PDXDC1: variants seen among roughly 807,000 people sequenced by gnomAD.
PDXDC1 encodes pyridoxal dependent decarboxylase domain containing 1, also known as pyridoxal-dependent decarboxylase domain-containing protein 1.
PDXDC1 carries 42 observed loss-of-function variants against 100.1 expected under a neutral mutation model. That is an observed-to-expected ratio of 0.42 (90% CI 0.33 to 0.54). The LOEUF (loss-of-function observed/expected upper bound fraction) is 0.54, where lower values mean the gene tolerates loss of function less well. Among genes scored for constraint, PDXDC1 ranks in the 20% least tolerant of loss-of-function variants. The pLI is 0.10. For missense variants in PDXDC1, 636 were observed against 979.2 expected (o/e 0.65, Z 4.68); for synonymous variants, 260 against 371.7 (o/e 0.70, Z 3.46).
At chr16:15,014,327 A>G (rs1189008921) in intron 8 of PDXDC1, among the ~76,000 whole-genome samples, 1 of 152,286 alleles carries the variant, frequency 6.6e-6, no homozygotes, top group African/African-American at 2.4e-5. Context: ...ATTCAATCAC[A>G]TGATAAACTG....
intron 16 of PDXDC1, among the ~76,000 whole-genome samples, chr16:15,117,379 G>A (rs1397035149): frequency 7.1e-6 from 1 of 141,274 alleles, no homozygotes; most frequent in Non-Finnish European, 1.5e-5. Context: ...TATATATTTT[G>A]GCCAGGCGCG....
intron 21 of PDXDC1, 61 bp downstream of exon 21, chr16:15,034,614 T>C (rs1227638929): frequency 1.6e-6 from 2 of 1,232,350 alleles, no homozygotes; most frequent in Non-Finnish European, 2.4e-6. Flanking sequence ...CCAAATGCCC[T>C]TGGGTCCCAA....
chr16:15,017,809 T>G (rs1662040232), intron 11 of PDXDC1, among the ~76,000 whole-genome samples: 1 of 151,856 alleles, frequency 6.6e-6, no homozygotes, highest in Non-Finnish European at 1.5e-5. Context: ...TTTTTTTTTT[T>G]GATATGGAGT....
rs759418191 is a variant in PDXDC1 at position 15,031,769 on chromosome 16, C to A, written c.1434C>A (p.Leu478=). 6.2e-7 allele frequency: 1 copy of A among 1,613,542 alleles called. No individual in the cohort carries two copies. Among genetic ancestry groups the A allele is most frequent in the Non-Finnish European group, 8.5e-7 (1 of 1,179,712 alleles). Reference sequence around the variant, plus strand: ...CTCGGGGAGAGGATGTGGATCAGCTCGTAGCCTGCATAGAAAGCAAACTGC... The same window carrying A: ...CTCGGGGAGAGGATGTGGATCAGCTAGTAGCCTGCATAGAAAGCAAACTGC... The part of the protein sequence containing the change: ...LGTRGEDVDQ[L]VACIESKLPV... The change falls in exon 17 of 23, where the codon CTC becomes CTA. Residue 478 remains leucine, a synonymous_variant. Coordinates refer to ENST00000396410, the MANE Select transcript of PDXDC1 (RefSeq NM_015027.4).
At chr16:15,147,926 C>A in the PDXDC1 span, among the ~76,000 whole-genome samples, 1 of 152,010 alleles carries the variant, frequency 6.6e-6, no homozygotes, top group East Asian at 1.9e-4. Flanking sequence ...ACCTTGTGAT[C>A]CCCCCACCTT....
chr16:15,092,014 T>TA (rs1039579793), intron 16 of PDXDC1, among the ~76,000 whole-genome samples: 1 of 151,912 alleles, frequency 6.6e-6, no homozygotes, highest in African/African-American at 2.4e-5. Context: ...CTGCCTCTAC[T>TA]AAAAAAATAA....
chr16:15,087,754 C>G (rs1268862309), intron 16 of PDXDC1, among the ~76,000 whole-genome samples: 1 of 152,144 alleles, frequency 6.6e-6, no homozygotes, highest in East Asian at 1.9e-4. Flanking sequence ...ATAAACTATC[C>G]TATCTCTTTT....
intron 16 of PDXDC1, chr16:15,128,036 G>A (rs554878252): frequency 4.3e-5 from 69 of 1,601,170 alleles, no homozygotes; most frequent in Admixed American, 2.8e-4. Flanking sequence ...GTTGGCCTCC[G>A]TCTCCACCGA....
At chr16:14,985,752 T>C (rs1052488901) in intron 1 of PDXDC1, among the ~76,000 whole-genome samples, 8 of 152,292 alleles carry the variant, frequency 5.3e-5, no homozygotes, top group African/African-American at 1.9e-4. Context: ...CTTCTGGTAG[T>C]GAGGGAGTAT....
intron 1 of PDXDC1, among the ~76,000 whole-genome samples, chr16:14,984,601 G>A (rs1199354837): frequency 2.0e-5 from 3 of 150,778 alleles, no homozygotes; most frequent in South Asian, 2.1e-4. Flanking sequence ...GGGTTCAAAC[G>A]ATTCTCCTGC....
rs537302396 is a variant in PDXDC1, at chr16:15,106,443, G to A, written c.1400-32436G>A. 2,202 of 868,788 alleles carry A rather than the reference G, an allele frequency of 2.5e-3. 91 individuals are homozygous for A. The highest frequency in any genetic ancestry group is 3.5e-3 in the Non-Finnish European group (1,944 of 561,352). The allele number at this position is 868,788 out of a possible 1,614,324, so 53.8% of individuals were successfully genotyped here. A position where few individuals can be genotyped will look rare whatever the true frequency, so the allele number is the denominator to read the frequency against. On this transcript the variant is annotated intron_variant, in intron 16 of 16. Transcript: ENST00000535621. ...CACAATCTATCTCTACCTAGAAAAC[G>A]TATTTCAGATGGCTGTAAGAGTACA...
At chr16:15,136,121 C>T (rs1973586) in intron 16 of PDXDC1, 190,307 of 1,519,132 alleles carry the variant, frequency 0.13, 13,361 homozygotes, top group Non-Finnish European at 0.14. Context: ...CCGATCCACA[C>T]GTCTAGGCTC....
intron 6 of PDXDC1, among the ~76,000 whole-genome samples, chr16:15,008,459 A>G (rs550873817): frequency 6.6e-6 from 1 of 152,396 alleles, no homozygotes; most frequent in African/African-American, 2.4e-5. Context: ...TACCCCCACT[A>G]AAATGCTCAC....
chr16:15,034,406 G>T, intron 20 of PDXDC1, 28 bp downstream of exon 20: 1 of 1,613,478 alleles, frequency 6.2e-7, no homozygotes, highest in Non-Finnish European at 8.5e-7. Flanking sequence ...CAGCAGGCTG[G>T]GGGAGCCGCC....
chr16:15,049,888 TA>T (rs1284988862), intron 16 of PDXDC1, among the ~76,000 whole-genome samples: 1 of 152,190 alleles, frequency 6.6e-6, no homozygotes, highest in Non-Finnish European at 1.5e-5. Flanking sequence ...TACAAAAGTA[TA>T]AAAAATGTTT....
At chr16:15,104,903 G>A in intron 16 of PDXDC1, 2 of 1,534,044 alleles carry the variant, frequency 1.3e-6, no homozygotes, top group Non-Finnish European at 8.7e-7. Flanking sequence ...CAGTATCAGT[G>A]TCATATCACC....
At chr16:15,062,213 A>G (rs1363521607) in intron 16 of PDXDC1, among the ~76,000 whole-genome samples, 2 of 152,164 alleles carry the variant, frequency 1.3e-5, no homozygotes, top group African/African-American at 2.4e-5. Context: ...ACATACCCAC[A>G]TAACTGCTCA....
In PDXDC1 at chr16:15,038,305, A is replaced by G. The variant is rs778909338; in HGVS notation, c.*2030A>G. 1.1e-5 allele frequency: 10 copies of G among 881,730 alleles called. No individual in the cohort carries two copies. The highest frequency in any genetic ancestry group is 1.7e-5 in the African/African-American group (1 of 58,496). 54.6% of individuals were successfully genotyped at this position (881,730 alleles called of 1,614,324 possible). ...AGTATCTTTGTTCTTGGACACAAAT[A>G]TATATAATAAAATACGTTAAGAAAT... On this transcript the variant is annotated 3_prime_UTR_variant, in exon 23 of 23. Coordinates refer to ENST00000396410, the MANE Select transcript of PDXDC1 (RefSeq NM_015027.4).
intron 16 of PDXDC1, chr16:15,085,706 G>A: frequency 6.2e-7 from 1 of 1,612,854 alleles, no homozygotes; most frequent in Non-Finnish European, 8.5e-7. Context: ...GGGCTTTTGA[G>A]GGAAAAAGAA....
Sources: gnomAD v4.1 joint callset for allele counts (sites outside exome capture counted in the v4.1 genomes callset) on GRCh38, gnomAD v4.1.1 for gene constraint, MANE v1.5 for transcripts, NCBI Gene and HGNC (gene_info 2026-07-23, HGNC 2026-07-21) for gene names.